The following SDK1 variants were observed in gnomAD, a reference collection of about 807,000 sequenced individuals.
SDK1 encodes the protein sidekick cell adhesion molecule 1, also known as protein sidekick-1.
Under a neutral mutation model 245.5 loss-of-function variants are expected in SDK1, and 157 were observed. The observed-to-expected ratio is 0.64, with a 90% confidence interval of 0.56 to 0.73. SDK1 has a LOEUF of 0.73. Ranked by LOEUF, SDK1 falls within the 30% of genes least tolerant of loss-of-function variation. The pLI is 0.00. For synonymous variants in SDK1, 1,647 were observed against 1,278.5 expected, an observed-to-expected ratio of 1.29 and a Z score of -6.15; for missense variants, 3,583 against 3,002.3, an observed-to-expected ratio of 1.19 and a Z score of -4.52.
chr7:3,471,723 T>TA (rs1312926636), intron 1 of SDK1, among the ~76,000 whole-genome samples: 1 of 152,186 alleles, frequency 6.6e-6, no homozygotes, highest in African/African-American at 2.4e-5. Context: ...ACAGAGAAAA[T>TA]ACTGCTTTTC....
intron 1 of SDK1, among the ~76,000 whole-genome samples, chr7:3,326,615 G>A (rs979351778): frequency 6.6e-6 from 1 of 152,108 alleles, no homozygotes; most frequent in Admixed American, 6.6e-5. Flanking sequence ...CATCCACTGA[G>A]TCCTCATTGC....
chr7:3,758,923 A>G (rs1484978067), intron 4 of SDK1, among the ~76,000 whole-genome samples: 1 of 152,168 alleles, frequency 6.6e-6, no homozygotes, highest in Admixed American at 6.5e-5. Context: ...GTGAGTTTCT[A>G]CAAGTATTTC....
chr7:3,390,295 T>G (rs577752897), intron 1 of SDK1, among the ~76,000 whole-genome samples: 1 of 152,318 alleles, frequency 6.6e-6, no homozygotes, highest in Non-Finnish European at 1.5e-5. Flanking sequence ...TTTATTCATT[T>G]AGAATGTCAA....
At chr7:3,736,056 T>G (rs1165750445) in intron 4 of SDK1, among the ~76,000 whole-genome samples, 1 of 152,226 alleles carries the variant, frequency 6.6e-6, no homozygotes, top group African/African-American at 2.4e-5. Context: ...TCTTGTTGAA[T>G]TGTAAGAGTT....
At chr7:3,574,620 C>G (rs1231774608) in intron 1 of SDK1, among the ~76,000 whole-genome samples, 2 of 152,068 alleles carry the variant, frequency 1.3e-5, no homozygotes, top group Admixed American at 6.5e-5. Flanking sequence ...CAAAGCAAAA[C>G]CTGTAATCCC....
At chr7:3,731,682 C>G (rs937830462) in intron 4 of SDK1, among the ~76,000 whole-genome samples, 106 of 152,116 alleles carry the variant, frequency 7.0e-4, no homozygotes, top group African/African-American at 2.5e-3. Context: ...AATACAAACA[C>G]CATATTCCAA....
intron 1 of SDK1, among the ~76,000 whole-genome samples, chr7:3,613,648 C>T (rs1209488949): frequency 2.0e-5 from 3 of 152,016 alleles, no homozygotes; most frequent in Non-Finnish European, 4.4e-5. Context: ...GGGTATACAC[C>T]CAGAGGAATA....
intron 4 of SDK1, among the ~76,000 whole-genome samples, chr7:3,793,352 A>G (rs1429089474): frequency 6.6e-6 from 1 of 152,110 alleles, no homozygotes; most frequent in Non-Finnish European, 1.5e-5. Flanking sequence ...CCTAAGTTGT[A>G]TTCTCCTTGG....
At chr7:3,688,223 T>A (rs911283642) in intron 4 of SDK1, among the ~76,000 whole-genome samples, 9 of 152,232 alleles carry the variant, frequency 5.9e-5, no homozygotes, top group African/African-American at 2.2e-4. Context: ...CTTAGGAGTG[T>A]TACAAGCCTG....
chr7:3,611,372 C>T (rs1265719292), intron 1 of SDK1, among the ~76,000 whole-genome samples: 1 of 152,100 alleles, frequency 6.6e-6, no homozygotes, highest in Admixed American at 6.6e-5. Context: ...CCTGCTCTTC[C>T]TCCTCTTGCA....
At chr7:3,985,005 G>A (rs1363727017) in intron 13 of SDK1, among the ~76,000 whole-genome samples, 2 of 152,208 alleles carry the variant, frequency 1.3e-5, no homozygotes, top group Non-Finnish European at 2.9e-5. Flanking sequence ...ATCACTGGCT[G>A]CATGGTTGAA....
chr7:3,672,765 A>ATACATATATATATATATATATATATG (rs1783750147), intron 4 of SDK1, among the ~76,000 whole-genome samples: 1 of 71,082 alleles, frequency 1.4e-5, no homozygotes, highest in Non-Finnish European at 2.7e-5. Flanking sequence ...AATTTTATAT[A>ATACATATATATATATATATATATATG]TATATATATA....
intron 22 of SDK1, among the ~76,000 whole-genome samples, chr7:4,088,378 A>G (rs895411388): frequency 3.9e-5 from 6 of 152,110 alleles, no homozygotes; most frequent in African/African-American, 7.2e-5. Flanking sequence ...GTCTTCTATC[A>G]TATCGAATTG....
At chr7:3,789,660 A>G (rs1162589538) in intron 4 of SDK1, among the ~76,000 whole-genome samples, 2 of 152,216 alleles carry the variant, frequency 1.3e-5, no homozygotes, top group Non-Finnish European at 2.9e-5. Context: ...CTCTACACTT[A>G]TATCATCTCT....
chr7:3,943,390 C>G (rs976626867), intron 5 of SDK1, among the ~76,000 whole-genome samples: 7 of 138,178 alleles, frequency 5.1e-5, no homozygotes, highest in African/African-American at 1.6e-4. Context: ...CCTTCTCCCC[C>G]CACTTCCTCC....
chr7:3,564,954 C>G (rs746566063), intron 1 of SDK1, among the ~76,000 whole-genome samples: 4 of 151,922 alleles, frequency 2.6e-5, no homozygotes, highest in Non-Finnish European at 4.4e-5. Flanking sequence ...GGAGACAAAT[C>G]TGGATTTCCA....
intron 4 of SDK1, among the ~76,000 whole-genome samples, chr7:3,775,737 C>T (rs1441884279): frequency 7.9e-5 from 12 of 151,872 alleles, no homozygotes; most frequent in Middle Eastern, 3.2e-3. Context: ...CCACCGCACC[C>T]GGCTAATTTT....
intron 20 of SDK1, among the ~76,000 whole-genome samples, chr7:4,073,548 T>A (rs998830052): frequency 1.3e-5 from 2 of 152,244 alleles, no homozygotes; most frequent in African/African-American, 4.8e-5. Context: ...TAAATTCTGA[T>A]GAAAAACAGC....
chr7:3,846,392 G>T (rs905345400), intron 5 of SDK1, among the ~76,000 whole-genome samples: 2 of 152,158 alleles, frequency 1.3e-5, no homozygotes, highest in South Asian at 4.1e-4. Context: ...AAAGGAGAAG[G>T]ACATTTGTTT....
Sources: gnomAD v4.1 joint callset for allele counts (sites outside exome capture counted in the v4.1 genomes callset) on GRCh38, gnomAD v4.1.1 for gene constraint, MANE v1.5 for transcripts, NCBI Gene and HGNC (gene_info 2026-07-23, HGNC 2026-07-21) for gene names.